RAPGEF1: variants seen among roughly 807,000 people sequenced by gnomAD.
The protein encoded by RAPGEF1 is CRK SH3-binding GNRP.
A neutral mutation model predicts 143.3 loss-of-function variants in RAPGEF1; 33 were observed. The ratio of observed to expected loss-of-function variants is 0.23; its 90% CI spans 0.17 to 0.31. RAPGEF1 has a LOEUF of 0.31. RAPGEF1 is among the 10% of genes least tolerant of loss of function. The pLI is 1.00. For missense variants in RAPGEF1, 1,199 were observed against 1,645.4 expected (o/e 0.73, Z 4.69); for synonymous variants, 629 against 676.5 (o/e 0.93, Z 1.09).
rs557678875 is a variant in RAPGEF1, at chr9:131,633,524, C to T, written c.652-3200G>A. On this transcript the variant is annotated intron_variant, in intron 5 of 26. Transcript: ENST00000683357. ...AAACATTCCTGGTTCTTCATTGATT[C>T]ATGAGCAATTATAATTAGATCGTCA... Among the ~76,000 whole-genome samples the T allele has an allele frequency of 2.6e-5, 4 of 152,340 alleles. No individual in the cohort carries two copies. The South Asian group carries it at 6.2e-4, about 24-fold the overall frequency.
At chr9:131,728,034 C>G (rs1361404070) in intron 1 of RAPGEF1, among the ~76,000 whole-genome samples, 1 of 152,188 alleles carries the variant, frequency 6.6e-6, no homozygotes. Context: ...CTGCAAATAG[C>G]ACTGTGCTTC....
chr9:131,587,139 AACACAC>A (rs763365306), intron 22 of RAPGEF1, among the ~76,000 whole-genome samples: 2 of 87,750 alleles, frequency 2.3e-5, no homozygotes, highest in Admixed American at 1.2e-4. Context: ...CTCCGTCTCA[AACACAC>A]ACACACACAC....
intron 4 of RAPGEF1, among the ~76,000 whole-genome samples, chr9:131,639,431 C>G: frequency 1.1e-5 from 1 of 87,464 alleles, no homozygotes; most frequent in Admixed American, 1.3e-4. Context: ...GATGGGAACG[C>G]AGGTGAGTGT....
intron 10 of RAPGEF1, among the ~76,000 whole-genome samples, chr9:131,622,398 CT>C (rs1178784572): frequency 6.6e-6 from 1 of 152,150 alleles, no homozygotes; most frequent in African/African-American, 2.4e-5. Context: ...CTCTGCAGTG[CT>C]AAATTTTGTA....
chr9:131,638,902 A>G, intron 4 of RAPGEF1, 111 bp from the exon 5 acceptor site: 1 of 1,114,770 alleles, frequency 9.0e-7, no homozygotes, highest in Non-Finnish European at 1.3e-6. Flanking sequence ...TCTTTGTGCA[A>G]AATCCATACT....
chr9:131,604,059 G>C lies in RAPGEF1; in HGVS notation c.2320-6C>G, dbSNP rs1956713528. The C allele has an allele frequency of 7.6e-7, 1 of 1,320,780 alleles. No homozygotes were observed. The highest frequency in any genetic ancestry group is 1.0e-6 in the Non-Finnish European group (1 of 996,006). The allele number at this position is 1,320,780 out of a possible 1,614,324, so 81.8% of individuals were successfully genotyped here. A position where few individuals can be genotyped will look rare whatever the true frequency, so the allele number is the denominator to read the frequency against. ...TCCTCACTGGCGTTTTCACTCTGGG[G>C]GAGACAGGACGAGAGGAAAGACACA... is the stretch of plus-strand genomic sequence containing the variant. On this transcript the variant is annotated splice_region_variant and splice_polypyrimidine_tract_variant and intron_variant, in intron 13 of 26. Coordinates refer to ENST00000683357, the MANE Select transcript of RAPGEF1 (RefSeq NM_001377935.1).
In RAPGEF1 at chr9:131,588,042, GT is replaced by G; in HGVS notation, c.3054-17del. On this transcript the variant is annotated splice_polypyrimidine_tract_variant and intron_variant, in intron 20 of 26. Coordinates refer to ENST00000683357, the MANE Select transcript of RAPGEF1 (RefSeq NM_001377935.1). ...GGTCCCCGGCCTGGAAGACAGAGGTGTGAGAAGAGCCGTCAGGGGTGGGGAG... is the reference window on the plus strand; with the variant it reads ...GGTCCCCGGCCTGGAAGACAGAGGTGGAGAAGAGCCGTCAGGGGTGGGGAG... 6.2e-7 allele frequency: 1 copy of G among 1,606,542 alleles called. No individual in the cohort carries two copies. The highest frequency in any genetic ancestry group is 2.2e-5 in the East Asian group (1 of 44,770).
At chr9:131,679,107 G>A (rs979963645) in intron 1 of RAPGEF1, among the ~76,000 whole-genome samples, 5 of 149,852 alleles carry the variant, frequency 3.3e-5, no homozygotes, top group African/African-American at 1.2e-4. Flanking sequence ...GACAAATATG[G>A]CCCTAGGGTG....
chr9:131,709,383 C>G (rs970638853), intron 1 of RAPGEF1, among the ~76,000 whole-genome samples: 3 of 152,138 alleles, frequency 2.0e-5, no homozygotes, highest in African/African-American at 7.2e-5. Context: ...CATACTGCAC[C>G]AAATGAAACA....
chr9:131,725,083 T>A (rs1383276408), intron 1 of RAPGEF1: 1 of 152,258 alleles, frequency 6.6e-6, no homozygotes. Flanking sequence ...TCCTCATGGG[T>A]GTGAGCTGGT....
intron 5 of RAPGEF1, among the ~76,000 whole-genome samples, chr9:131,635,941 A>G (rs888324685): frequency 6.6e-6 from 1 of 152,256 alleles, no homozygotes; most frequent in African/African-American, 2.4e-5. Context: ...AGACAATAAC[A>G]ACAAATGCCA....
In RAPGEF1 at chr9:131,619,187, G is replaced by A. The variant is rs769835683; in HGVS notation, c.1925C>T (p.Ser642Phe). ...GACACAGTGGGAGACAGAGGAGAAG[G>A]AAGAAGCAGCACAGGAGGCCTGCTG... ...QRQLASCAAS[S>F]FSSVSHCVQQ... Residue 642 changes from serine to phenylalanine, a missense_variant, in exon 12 of 27, where the codon TCC becomes TTC. Transcript: ENST00000683357. The A allele has an allele frequency of 1.9e-4, 245 of 1,305,932 alleles. No individual in the cohort carries two copies. The highest frequency in any genetic ancestry group is 2.4e-4 in the Non-Finnish European group (238 of 990,128). 80.9% of individuals were successfully genotyped at this position (1,305,932 alleles called of 1,614,324 possible).
intron 1 of RAPGEF1, among the ~76,000 whole-genome samples, chr9:131,665,070 T>C (rs1031564769): frequency 2.6e-5 from 4 of 152,086 alleles, no homozygotes; most frequent in African/African-American, 7.2e-5. Context: ...ATATACACAG[T>C]ATAGGAAGCT....
At position 131,627,936 on chromosome 9, in the gene RAPGEF1, C is replaced by A; in HGVS notation, c.1178G>T (p.Arg393Leu). The A allele has an allele frequency of 6.3e-7, 1 of 1,586,290 alleles. No individual in the cohort carries two copies. Among genetic ancestry groups the A allele is most frequent in the Non-Finnish European group, 8.6e-7 (1 of 1,166,372 alleles). The stretch of plus-strand genomic sequence containing the variant: ...ACCTAGTGTTTCACAGCTTGTGTTC[C>A]GGGAGCACTGCCCACTGTCCCTGTC... The part of the protein sequence containing the change: ...SLDRDSGQCS[R>L]NTSCETLDHY... Residue 393 changes from arginine (R) to leucine (L), a missense_variant, in exon 9 of 27, where the codon CGG (arginine) becomes CTG (leucine). Around this residue, in one of 6 missense-constraint regions of RAPGEF1, gnomAD observed 613 missense variants for 710.9 expected, o/e 0.86. Transcript: ENST00000683357.
intron 1 of RAPGEF1, among the ~76,000 whole-genome samples, chr9:131,681,207 C>T (rs570059621): frequency 6.6e-6 from 1 of 152,120 alleles, no homozygotes; most frequent in Non-Finnish European, 1.5e-5. Context: ...CTCTGCACCC[C>T]CTCATTATTA....
rs116621524 is a variant in RAPGEF1, at chr9:131,679,557, T to C, written c.62-28608A>G. On this transcript the variant is annotated intron_variant, in intron 1 of 26. Transcript: ENST00000683357. ...TGTGTAAGTCCTGAAATGTTTCGTA[T>C]TGCCGCATAATGAAGTACACAAACT... Among the ~76,000 whole-genome samples the C allele has an allele frequency of 3.0e-3, 452 of 152,368 alleles. 4 individuals are homozygous for C. Among genetic ancestry groups the C allele is most frequent in the African/African-American group, 9.9e-3 (410 of 41,580 alleles).
At chr9:131,691,686 A>T (rs1405328102) in intron 1 of RAPGEF1, among the ~76,000 whole-genome samples, 2 of 152,210 alleles carry the variant, frequency 1.3e-5, no homozygotes, top group Non-Finnish European at 2.9e-5. Context: ...TTAAGATCAT[A>T]CCATTGGACT....
intron 1 of RAPGEF1, among the ~76,000 whole-genome samples, chr9:131,670,830 T>C (rs926268513): frequency 3.3e-5 from 5 of 152,206 alleles, no homozygotes; most frequent in African/African-American, 1.2e-4. Flanking sequence ...TGCCAACATT[T>C]GGCAAGAAAG....
At chr9:131,645,871 G>A (rs987412457) in intron 3 of RAPGEF1, among the ~76,000 whole-genome samples, 9 of 152,332 alleles carry the variant, frequency 5.9e-5, no homozygotes, top group African/African-American at 2.2e-4. Context: ...CCAACTGCTG[G>A]GCTTTGGGCT....
Sources: allele counts gnomAD v4.1 joint callset (sites outside exome capture counted in the v4.1 genomes callset), GRCh38; gene constraint gnomAD v4.1.1; regional missense constraint gnomAD v4.1.1; transcripts MANE v1.5; gene names NCBI Gene and HGNC (gene_info 2026-07-23, HGNC 2026-07-21).